Variants in LRP11 observed in about 807,000 individuals in gnomAD.
LRP11 encodes low-density lipoprotein receptor-related protein 11.
Under a neutral mutation model 43.1 loss-of-function variants are expected in LRP11, and 25 were observed. That is an observed-to-expected ratio of 0.58 (90% CI 0.42 to 0.81). The LOEUF (loss-of-function observed/expected upper bound fraction) is 0.81, where lower values mean the gene tolerates loss of function less well. Ranked by LOEUF, LRP11 falls within the 30% of genes least tolerant of loss-of-function variation. The probability of loss-of-function intolerance (pLI) is 0.00; values close to 1 mark genes in which losing one functional copy is unlikely to be tolerated. For missense variants in LRP11, 623 were observed against 665.1 expected, an observed-to-expected ratio of 0.94 and a Z score of 0.70; for synonymous variants, 316 against 299.4, an observed-to-expected ratio of 1.06 and a Z score of -0.57.
rs1373732522 is a variant in LRP11 at position 149,864,034 on chromosome 6, A to C, written c.-14T>G. On this transcript the variant is annotated 5_prime_UTR_variant, in exon 1 of 7. Coordinates refer to ENST00000239367, the MANE Select transcript of LRP11 (RefSeq NM_032832.6). Reference sequence around the variant, plus strand: ...GACGGAGGCCATGGCGACGAGAGCCAAGGGCAGCGAGCCGAGGCGGGGCTG... The same window carrying C: ...GACGGAGGCCATGGCGACGAGAGCCCAGGGCAGCGAGCCGAGGCGGGGCTG... 1 of 1,317,212 alleles carries C rather than the reference A, an allele frequency of 7.6e-7. No individual in the cohort carries two copies. The highest frequency in any genetic ancestry group is 3.2e-5 in the East Asian group (1 of 31,404). The allele number at this position is 1,317,212 out of a possible 1,614,324, so 81.6% of individuals were successfully genotyped here.
Position 149,843,120 on chromosome 6 carries a change from G to A in LRP11, c.776C>T (p.Pro259Leu), listed in dbSNP as rs753999256. The change falls in exon 3 of 7, where the codon CCT (proline) becomes CTT (leucine). Residue 259 changes from proline to leucine, a missense_variant. Transcript: ENST00000239367. Reference protein sequence around the residue: ...QGDPSVDMKVPQSGTLKLSHL... With the variant: ...QGDPSVDMKVLQSGTLKLSHL... The stretch of plus-strand genomic sequence containing the variant: ...GGACAGCTTCAGGGTTCCTGATTGA[G>A]GCACCTGCCACACAGATGGGACACA... 2 of 1,614,086 alleles carry A rather than the reference G, an allele frequency of 1.2e-6. No individual in the cohort carries two copies. The highest frequency in any genetic ancestry group is 1.7e-6 in the Non-Finnish European group (2 of 1,179,994).
At chr6:149,840,565 G>A (rs530076808) in intron 3 of LRP11, among the ~76,000 whole-genome samples, 4 of 152,300 alleles carry the variant, frequency 2.6e-5, no homozygotes, top group African/African-American at 9.6e-5. Context: ...GTGAGGTGCT[G>A]GCCATCTGCT....
chr6:149,821,409 A>G (rs1179968847), intron 6 of LRP11, among the ~76,000 whole-genome samples: 2 of 152,244 alleles, frequency 1.3e-5, no homozygotes, highest in Non-Finnish European at 2.9e-5. Context: ...TCATTCTTCA[A>G]CTAAGTATGA....
At chr6:149,836,824 A>AG (rs1418096724) in intron 4 of LRP11, among the ~76,000 whole-genome samples, 2 of 120,710 alleles carry the variant, frequency 1.7e-5, no homozygotes, top group African/African-American at 6.4e-5. Context: ...CATAAAAAAA[A>AG]GAAAGAAAAG....
chr6:149,831,082 G>T (rs1776402556), intron 5 of LRP11, among the ~76,000 whole-genome samples: 1 of 152,204 alleles, frequency 6.6e-6, no homozygotes, highest in African/African-American at 2.4e-5. Context: ...CTTGCTTCTG[G>T]AAATAGTTAC....
At position 149,863,598 on chromosome 6, in the gene LRP11, G is replaced by A; in HGVS notation, c.423C>T (p.Ser141=). ...VAACCSEPRC[S]VAVVELPRRP... is the part of the protein sequence containing the mutation. ...GCCGGGGCAGCTCCACCACGGCCACGGAGCAGCGCGGCTCGGAGCAGCAGG... is the reference window on the plus strand; with the variant it reads ...GCCGGGGCAGCTCCACCACGGCCACAGAGCAGCGCGGCTCGGAGCAGCAGG... Residue 141 remains serine (S), a synonymous_variant, in exon 1 of 7, where the codon TCC becomes TCT. Coordinates refer to ENST00000239367, the MANE Select transcript of LRP11 (RefSeq NM_032832.6). 7.0e-7 allele frequency: 1 copy of A among 1,432,782 alleles called. No individual in the cohort carries two copies. Among genetic ancestry groups the A allele is most frequent in the Non-Finnish European group, 9.1e-7 (1 of 1,098,452 alleles). The allele number at this position is 1,432,782 out of a possible 1,614,324, so 88.8% of individuals were successfully genotyped here.
At chr6:149,844,274 T>C (rs1776596524) in intron 2 of LRP11, among the ~76,000 whole-genome samples, 1 of 151,762 alleles carries the variant, frequency 6.6e-6, no homozygotes, top group African/African-American at 2.4e-5. Context: ...AAAATCCATG[T>C]TTAACTGGCC....
chr6:149,846,342 A>G (rs1393424583), intron 2 of LRP11, among the ~76,000 whole-genome samples: 2 of 152,210 alleles, frequency 1.3e-5, no homozygotes, highest in African/African-American at 2.4e-5. Flanking sequence ...ACAAGGGAGC[A>G]TGGCTGCAAA....
chr6:149,860,700 C>A (rs1277296514), intron 1 of LRP11, among the ~76,000 whole-genome samples: 2 of 152,160 alleles, frequency 1.3e-5, no homozygotes, highest in African/African-American at 4.8e-5. Flanking sequence ...TCAGTCACTA[C>A]AAGACACCTC....
chr6:149,818,951 T>A lies in LRP11; in HGVS notation c.*1598A>T, dbSNP rs1343986123. 6.6e-6 allele frequency: 1 copy of A among 152,652 alleles called. No individual in the cohort carries two copies. The highest frequency in any genetic ancestry group is 2.4e-5 in the African/African-American group (1 of 41,468). 9.5% of individuals were successfully genotyped at this position (152,652 alleles called of 1,614,324 possible). On this transcript the variant is annotated 3_prime_UTR_variant, in exon 7 of 7. Transcript: ENST00000239367. ...TCATCAGTTTTTATTTTATTGGTTA[T>A]GGCTATAGTTGACATCTTTCCATAT...
intron 3 of LRP11, among the ~76,000 whole-genome samples, chr6:149,837,960 C>CA (rs1279521436): frequency 1.3e-5 from 2 of 152,154 alleles, no homozygotes; most frequent in Admixed American, 1.3e-4. Context: ...CTCTGTCGCC[C>CA]AGGCTGAAGT....
chr6:149,842,312 T>A (rs114459051), intron 3 of LRP11, among the ~76,000 whole-genome samples: 2,287 of 152,302 alleles, frequency 0.015, 64 homozygotes, highest in African/African-American at 0.052. Flanking sequence ...AGGCACAATG[T>A]GATGTTTTGA....
At chr6:149,821,000 G>A (rs1255456413) in intron 6 of LRP11, among the ~76,000 whole-genome samples, 1 of 143,242 alleles carries the variant, frequency 7.0e-6, no homozygotes, top group Non-Finnish European at 1.5e-5. Flanking sequence ...GCTCAATCTC[G>A]GCTCACTGCA....
intron 6 of LRP11, among the ~76,000 whole-genome samples, chr6:149,822,803 T>C (rs924567450): frequency 3.9e-5 from 6 of 152,154 alleles, no homozygotes; most frequent in African/African-American, 9.7e-5. Flanking sequence ...CTGAGTGATT[T>C]TGATGTATGA....
At chr6:149,822,096 C>A (rs1240401470) in intron 6 of LRP11, among the ~76,000 whole-genome samples, 1 of 152,154 alleles carries the variant, frequency 6.6e-6, no homozygotes, top group Non-Finnish European at 1.5e-5. Flanking sequence ...GCCTGTGATA[C>A]CAGCACTTTG....
At position 149,820,023 on chromosome 6, in the gene LRP11, T is replaced by C. The variant is rs1347720149; in HGVS notation, c.*526A>G. On this transcript the variant is annotated 3_prime_UTR_variant, in exon 7 of 7. Coordinates refer to ENST00000239367, the MANE Select transcript of LRP11 (RefSeq NM_032832.6). ...ACTGACTTGTACATAAGGTTTATAA[T>C]TTAGGTATACCCACCCTAAGTAACA... The C allele has an allele frequency of 6.5e-6, 1 of 153,330 alleles. No individual in the cohort carries two copies. The highest frequency in any genetic ancestry group is 1.5e-5 in the Non-Finnish European group (1 of 68,956). 9.5% of individuals were successfully genotyped at this position (153,330 alleles called of 1,614,324 possible).
Position 149,836,261 on chromosome 6 carries a change from G to A in LRP11, c.1076C>T (p.Ala359Val). 1 of 1,614,188 alleles carries A rather than the reference G, an allele frequency of 6.2e-7. No homozygotes were observed. Among genetic ancestry groups the A allele is most frequent in the Non-Finnish European group, 8.5e-7 (1 of 1,180,036 alleles). ...TGTGGTTCTTGGCAGGGCAGGACTAGCTGCCGTGTGGGTTACCATCTTGCG... is the reference window on the plus strand; with the variant it reads ...TGTGGTTCTTGGCAGGGCAGGACTAACTGCCGTGTGGGTTACCATCTTGCG... ...LDRKMVTHTA[A>V]SPALPRTTGP... is the part of the protein sequence containing the mutation. The change falls in exon 5 of 7, where the codon GCT (alanine) becomes GTT (valine). Residue 359 changes from alanine (A) to valine (V), a missense_variant. Physicochemically the swap from Ala to Val is moderately conservative, Grantham distance 64. Transcript: ENST00000239367.
chr6:149,835,940 C>A (rs532404956), intron 5 of LRP11, 145 bp downstream of exon 5: 9 of 705,132 alleles, frequency 1.3e-5, no homozygotes, highest in African/African-American at 1.1e-4. Flanking sequence ...GTCAAGATTT[C>A]CCCCCGCCTT....
In LRP11 at chr6:149,854,038, G is replaced by A. The variant is rs185432639; in HGVS notation, c.614-878C>T. On this transcript the variant is annotated intron_variant, in intron 1 of 6. Transcript: ENST00000239367. Reference sequence around the variant, plus strand: ...TTTTTCATCTAGGAAAATTGAAGACGTTCACCGTTTCTAATAACTAATTTT... The same window carrying A: ...TTTTTCATCTAGGAAAATTGAAGACATTCACCGTTTCTAATAACTAATTTT... Among the ~76,000 whole-genome samples, 42 of 152,236 alleles carry A rather than the reference G, an allele frequency of 2.8e-4. 1 individual carries two copies. In the East Asian group the frequency reaches 7.3e-3, roughly 27 times the overall value.
Sources: allele counts gnomAD v4.1 joint callset (sites outside exome capture counted in the v4.1 genomes callset), GRCh38; gene constraint gnomAD v4.1.1; transcripts MANE v1.5; gene names NCBI Gene and HGNC (gene_info 2026-07-23, HGNC 2026-07-21).